Variants in RHBDL2 observed in about 807,000 individuals in gnomAD.
RHBDL2 encodes rhomboid-related protein 2.
Under a neutral mutation model 31.7 loss-of-function variants are expected in RHBDL2, and 26 were observed. That is an observed-to-expected ratio of 0.82 (90% CI 0.60 to 1.14). The LOEUF (loss-of-function observed/expected upper bound fraction) is 1.14, where lower values mean the gene tolerates loss of function less well. Ranked by LOEUF, RHBDL2 falls within the 50% of genes most tolerant of loss-of-function variation. The pLI is 0.00. For missense variants in RHBDL2, 336 were observed against 364.4 expected (o/e 0.92, Z 0.63); for synonymous variants, 123 against 127.2 (o/e 0.97, Z 0.22).
chr1:38,934,158 CCAAT>C (rs35827994), intron 1 of RHBDL2, among the ~76,000 whole-genome samples: 87,435 of 151,164 alleles, frequency 0.58, 26,106 homozygotes, highest in Middle Eastern at 0.67. Flanking sequence ...GACCAGCCTG[CCAAT>C]ATGGCAAAAC....
chr1:38,923,224 A>T (rs1643337223), intron 1 of RHBDL2, among the ~76,000 whole-genome samples: 1 of 152,258 alleles, frequency 6.6e-6, no homozygotes, highest in Non-Finnish European at 1.5e-5. Flanking sequence ...TATTAAAAGC[A>T]TATACCTTTC....
chr1:38,894,688 C>CT (rs1360480588), intron 5 of RHBDL2, among the ~76,000 whole-genome samples: 3 of 131,260 alleles, frequency 2.3e-5, no homozygotes, highest in African/African-American at 8.5e-5. Context: ...CATTTCTTTT[C>CT]TTTTTTTTCT....
intron 4 of RHBDL2, among the ~76,000 whole-genome samples, chr1:38,900,920 C>T (rs1642980543): frequency 6.6e-6 from 1 of 151,394 alleles, no homozygotes; most frequent in Non-Finnish European, 1.5e-5. Flanking sequence ...TGGTGGCACA[C>T]GTCTGTAGTC....
At chr1:38,898,888 G>C (rs996781021) in intron 4 of RHBDL2, among the ~76,000 whole-genome samples, 1 of 152,186 alleles carries the variant, frequency 6.6e-6, no homozygotes, top group Admixed American at 6.5e-5. Flanking sequence ...GTAACTTTCT[G>C]TACTGGAAAA....
At chr1:38,911,691 G>A (rs978070632) in intron 3 of RHBDL2, among the ~76,000 whole-genome samples, 1 of 151,878 alleles carries the variant, frequency 6.6e-6, no homozygotes, top group Non-Finnish European at 1.5e-5. Context: ...CCAGCCAGGG[G>A]TGCAGTGGTG....
chr1:38,888,601 T>C (rs1395070264), intron 6 of RHBDL2, among the ~76,000 whole-genome samples: 4 of 151,994 alleles, frequency 2.6e-5, no homozygotes, highest in Non-Finnish European at 2.9e-5. Context: ...AAGTACAAAG[T>C]CCCTAAGCAG....
intron 1 of RHBDL2, among the ~76,000 whole-genome samples, chr1:38,936,764 T>C (rs1247033259): frequency 6.6e-6 from 1 of 151,944 alleles, no homozygotes; most frequent in African/African-American, 2.4e-5. Context: ...CCTCCCAAAG[T>C]GCTGGGATTA....
chr1:38,937,120 T>G (rs1307253197), intron 1 of RHBDL2, among the ~76,000 whole-genome samples: 1 of 151,744 alleles, frequency 6.6e-6, no homozygotes, highest in Non-Finnish European at 1.5e-5. Flanking sequence ...GCTAATTTTT[T>G]GTATTTTTAG....
intron 6 of RHBDL2, among the ~76,000 whole-genome samples, chr1:38,889,228 G>A (rs1477929087): frequency 2.0e-5 from 3 of 152,066 alleles, no homozygotes; most frequent in Non-Finnish European, 4.4e-5. Context: ...TGATTAGCTG[G>A]GATTACAGAC....
At chr1:38,899,876 T>C (rs1278850556) in intron 4 of RHBDL2, among the ~76,000 whole-genome samples, 1 of 152,172 alleles carries the variant, frequency 6.6e-6, no homozygotes, top group Non-Finnish European at 1.5e-5. Context: ...CTCGCTGCCC[T>C]TCCTGGGGCA....
chr1:38,893,812 T>A (rs1239558287), intron 5 of RHBDL2, among the ~76,000 whole-genome samples: 1 of 152,046 alleles, frequency 6.6e-6, no homozygotes, highest in African/African-American at 2.4e-5. Flanking sequence ...AATCTATAGC[T>A]CACTGCAGCC....
At chr1:38,930,612 A>G (rs1266071800) in intron 1 of RHBDL2, among the ~76,000 whole-genome samples, 5 of 152,210 alleles carry the variant, frequency 3.3e-5, no homozygotes, top group African/African-American at 9.6e-5. Flanking sequence ...TGGTGTGCGC[A>G]CTAAGGGATA....
intron 1 of RHBDL2, among the ~76,000 whole-genome samples, chr1:38,920,607 C>CTTTTTTTTTTTTTTTTT (rs547790628): frequency 7.7e-6 from 1 of 129,060 alleles, no homozygotes; most frequent in East Asian, 2.4e-4. Context: ...CAAGTTTTCT[C>CTTTTTTTTTTTTTTTTT]TTTTTTTTTT....
intron 4 of RHBDL2, among the ~76,000 whole-genome samples, chr1:38,897,497 G>T (rs544542670): frequency 6.6e-6 from 1 of 152,268 alleles, no homozygotes; most frequent in East Asian, 1.9e-4. Context: ...CTTGAGGCCA[G>T]AAAGTCAGGA....
At chr1:38,912,986 T>TGTGTA (rs1557616015) in intron 3 of RHBDL2, among the ~76,000 whole-genome samples, 2 of 44,996 alleles carry the variant, frequency 4.4e-5, no homozygotes, top group Non-Finnish European at 1.0e-4. Flanking sequence ...GTGTGTGTAT[T>TGTGTA]TTTTTTTTTT....
rs147132125 is a variant in RHBDL2, at chr1:38,895,583, C to T, written c.609+386G>A. On this transcript the variant is annotated intron_variant, in intron 5 of 7. Coordinates refer to ENST00000372990, the MANE Select transcript of RHBDL2 (RefSeq NM_017821.5). ...CTTTGGGAGGCCAACGTGGGCAGAT[C>T]GCTTGAGCCTAGGAGTTCGAGACCA... 6.8e-3 allele frequency among the ~76,000 whole-genome samples: 1,033 copies of T among 152,236 alleles called. 3 individuals carry two copies. Among genetic ancestry groups the T allele is most frequent in the Non-Finnish European group, 0.011 (771 of 68,016 alleles).
At chr1:38,917,086 C>T (rs1413758850) in intron 2 of RHBDL2, among the ~76,000 whole-genome samples, 4 of 139,158 alleles carry the variant, frequency 2.9e-5, no homozygotes, top group Non-Finnish European at 6.1e-5. Context: ...GGCGTGATCT[C>T]AGCTCACTGC....
chr1:38,921,129 C>A (rs1643308996), intron 1 of RHBDL2, among the ~76,000 whole-genome samples: 1 of 152,162 alleles, frequency 6.6e-6, no homozygotes, highest in African/African-American at 2.4e-5. Flanking sequence ...AGTATCTGGG[C>A]CGGGCGTGGT....
At chr1:38,901,925 G>A (rs1642996047) in intron 4 of RHBDL2, among the ~76,000 whole-genome samples, 2 of 151,462 alleles carry the variant, frequency 1.3e-5, no homozygotes, top group African/African-American at 4.8e-5. Flanking sequence ...ATTATAATCA[G>A]AGATTTCAAT....
Sources: allele counts gnomAD v4.1 joint callset (sites outside exome capture counted in the v4.1 genomes callset), GRCh38; gene constraint gnomAD v4.1.1; transcripts MANE v1.5; gene names NCBI Gene and HGNC (gene_info 2026-07-23, HGNC 2026-07-21).